DLGAP2: variants seen among roughly 807,000 people sequenced by gnomAD.
DLGAP2 encodes disks large-associated protein 2.
A neutral mutation model predicts 100.3 loss-of-function variants in DLGAP2; 26 were observed. That is an observed-to-expected ratio of 0.26 (90% confidence interval 0.19 to 0.36). The LOEUF is 0.36. Among genes scored for constraint, DLGAP2 ranks in the 10% least tolerant of loss-of-function variants. The pLI is 1.00. For missense variants in DLGAP2, 1,858 were observed against 1,453.2 expected (o/e 1.28, Z -4.53); for synonymous variants, 886 against 630.1 (o/e 1.41, Z -6.08).
At chr8:746,743 A>G (rs1820626735) in intron 1 of DLGAP2, among the ~76,000 whole-genome samples, 1 of 152,240 alleles carries the variant, frequency 6.6e-6, no homozygotes, top group Non-Finnish European at 1.5e-5. Flanking sequence ...CACAAAACAG[A>G]AACTGAGGAT....
chr8:1,483,712 C>CCAGGGAGGCAGGTGCAGAAT (rs1563176051), intron 3 of DLGAP2, among the ~76,000 whole-genome samples: 16 of 7,540 alleles, frequency 2.1e-3, no homozygotes, highest in African/African-American at 4.1e-3. Context: ...AGGTGCAGGA[C>CCAGGGAGGCAGGTGCAGAAT]GTGGGGACCA....
intron 1 of DLGAP2, among the ~76,000 whole-genome samples, chr8:794,809 A>G (rs1303279828): frequency 2.0e-5 from 3 of 152,124 alleles, no homozygotes; most frequent in African/African-American, 7.2e-5. Context: ...TTCTAGCTGC[A>G]GGATGGGGTC....
At chr8:1,157,342 G>T (rs1156231260) in intron 2 of DLGAP2, among the ~76,000 whole-genome samples, 1 of 152,180 alleles carries the variant, frequency 6.6e-6, no homozygotes, top group Non-Finnish European at 1.5e-5. Context: ...CACTTCCAGC[G>T]ACGACGGCCC....
At chr8:1,524,603 C>T (rs1800725769) in intron 4 of DLGAP2, among the ~76,000 whole-genome samples, 2 of 152,130 alleles carry the variant, frequency 1.3e-5, no homozygotes, top group Non-Finnish European at 1.5e-5. Flanking sequence ...ACAGCGTCAT[C>T]CCTCCGTGCG....
At chr8:892,574 G>A (rs1798058427) in intron 1 of DLGAP2, among the ~76,000 whole-genome samples, 1 of 152,182 alleles carries the variant, frequency 6.6e-6, no homozygotes, top group Non-Finnish European at 1.5e-5. Context: ...ACAGCTAGAT[G>A]GAGAAAGCAA....
At chr8:1,012,091 G>T (rs1028307409) in intron 2 of DLGAP2, among the ~76,000 whole-genome samples, 3 of 152,156 alleles carry the variant, frequency 2.0e-5, no homozygotes, top group African/African-American at 7.2e-5. Flanking sequence ...GTCGCAGGAA[G>T]ACCAGACTCT....
intron 3 of DLGAP2, among the ~76,000 whole-genome samples, chr8:1,260,120 G>C (rs1348256668): frequency 6.6e-6 from 1 of 152,202 alleles, no homozygotes; most frequent in East Asian, 1.9e-4. Flanking sequence ...GAGGCCGCCT[G>C]TGATGGGAAA....
At chr8:1,151,179 A>G (rs1796690748) in intron 2 of DLGAP2, among the ~76,000 whole-genome samples, 1 of 152,218 alleles carries the variant, frequency 6.6e-6, no homozygotes, top group Non-Finnish European at 1.5e-5. Flanking sequence ...CTGCAGAGGA[A>G]GAAAAACTTT....
chr8:988,293 T>C (rs897980054), intron 2 of DLGAP2, among the ~76,000 whole-genome samples: 4 of 152,220 alleles, frequency 2.6e-5, no homozygotes, highest in Non-Finnish European at 5.9e-5. Flanking sequence ...GCAAATAGAT[T>C]TTAGCTTCAG....
chr8:1,166,259 T>G (rs1425055008), intron 2 of DLGAP2, among the ~76,000 whole-genome samples: 1 of 152,230 alleles, frequency 6.6e-6, no homozygotes, highest in East Asian at 1.9e-4. Context: ...GAGTCATGGC[T>G]AATGGCCCAG....
intron 3 of DLGAP2, among the ~76,000 whole-genome samples, chr8:1,419,757 G>A (rs1364203247): frequency 6.6e-6 from 1 of 152,132 alleles, no homozygotes; most frequent in South Asian, 2.1e-4. Context: ...TATAATGTTG[G>A]TGAGAATATA....
chr8:1,605,451 T>C (rs958755791), intron 6 of DLGAP2, among the ~76,000 whole-genome samples: 1 of 152,198 alleles, frequency 6.6e-6, no homozygotes, highest in Admixed American at 6.5e-5. Flanking sequence ...AGGAAGCAGA[T>C]GATCACAAGA....
intron 3 of DLGAP2, among the ~76,000 whole-genome samples, chr8:1,457,592 T>C (rs1479595629): frequency 6.6e-6 from 1 of 152,224 alleles, no homozygotes; most frequent in Admixed American, 6.5e-5. Flanking sequence ...ACCAGCTTCA[T>C]TTTGAAATAA....
chr8:1,227,036 C>G (rs1211229236), intron 2 of DLGAP2, among the ~76,000 whole-genome samples: 1 of 150,144 alleles, frequency 6.7e-6, no homozygotes, highest in Non-Finnish European at 1.5e-5. Context: ...AAATCACCAC[C>G]TCGGAAATAT....
At chr8:1,201,026 C>T (rs949512828) in intron 2 of DLGAP2, among the ~76,000 whole-genome samples, 2 of 152,174 alleles carry the variant, frequency 1.3e-5, no homozygotes, top group Non-Finnish European at 2.9e-5. Context: ...TAGGGACCCA[C>T]ACCTAGAGGT....
chr8:753,551 G>C (rs762755894), intron 1 of DLGAP2: 15 of 152,254 alleles, frequency 9.9e-5, no homozygotes, highest in Non-Finnish European at 1.5e-4. Flanking sequence ...AGTTCTCCGC[G>C]AGGCGCTGAG....
chr8:1,327,332 C>G (rs903227389), intron 3 of DLGAP2, among the ~76,000 whole-genome samples: 3 of 152,228 alleles, frequency 2.0e-5, no homozygotes, highest in African/African-American at 7.2e-5. Context: ...TCCACGGGGA[C>G]TGCAGTGGGT....
chr8:1,370,755 G>A (rs1045675616), intron 3 of DLGAP2, among the ~76,000 whole-genome samples: 7 of 152,126 alleles, frequency 4.6e-5, no homozygotes, highest in East Asian at 1.9e-4. Flanking sequence ...AGCCGGACTC[G>A]GCACCCAGGC....
chr8:1,231,318 A>C (rs975688507), intron 2 of DLGAP2, among the ~76,000 whole-genome samples: 1 of 152,250 alleles, frequency 6.6e-6, no homozygotes, highest in Non-Finnish European at 1.5e-5. Flanking sequence ...AATGACTATT[A>C]TTAAAAAGTC....
Sources: allele counts gnomAD v4.1 joint callset (sites outside exome capture counted in the v4.1 genomes callset), GRCh38; gene constraint gnomAD v4.1.1; transcripts MANE v1.5; gene names NCBI Gene and HGNC (gene_info 2026-07-23, HGNC 2026-07-21).